Variants in KALRN observed in about 807,000 individuals in gnomAD.
KALRN encodes kalirin RhoGEF kinase, also known as kalirin.
In KALRN, 70 loss-of-function variants were observed where a neutral mutation model predicts 353.7. The observed-to-expected ratio is 0.20, with a 90% CI of 0.16 to 0.24. The LOEUF is 0.24. Ranked by LOEUF, KALRN falls within the 10% of genes least tolerant of loss-of-function variation. The pLI, the probability that KALRN is intolerant of heterozygous loss-of-function variation, is 1.00. For missense variants in KALRN, 2,791 were observed against 3,756.7 expected (o/e 0.74, Z 6.72); for synonymous variants, 1,391 against 1,434.8 (o/e 0.97, Z 0.69).
intron 10 of KALRN, among the ~76,000 whole-genome samples, chr3:124,375,359 C>G (rs2086447663): frequency 6.6e-6 from 1 of 152,200 alleles, no homozygotes; most frequent in Non-Finnish European, 1.5e-5. Context: ...GGAAGCAGCT[C>G]TGGGCCAACC....
At position 124,674,420 on chromosome 3, in the gene KALRN, T is replaced by C; in HGVS notation, c.6999T>C (p.Tyr2333=). 2 of 1,614,092 alleles carry C rather than the reference T, an allele frequency of 1.2e-6. No homozygotes were observed. The highest frequency in any genetic ancestry group is 1.7e-6 in the Non-Finnish European group (2 of 1,180,006). The change falls in exon 49 of 60, where the codon TAT becomes TAC. Residue 2333 remains tyrosine, a synonymous_variant. Transcript: ENST00000682506. ...CCATGGCCGTGATCAAAGATTACTATGCACTGAAGGAGAATGAAATCTGTG... is the reference window on the plus strand; with the variant it reads ...CCATGGCCGTGATCAAAGATTACTACGCACTGAAGGAGAATGAAATCTGTG... The part of the protein sequence containing the change: ...TSSMAVIKDY[Y]ALKENEICVS...
chr3:124,132,386 G>A (rs1002756331), intron 1 of KALRN, among the ~76,000 whole-genome samples: 2 of 152,162 alleles, frequency 1.3e-5, no homozygotes, highest in Non-Finnish European at 2.9e-5. Context: ...AACCCGAGCC[G>A]GTGAGAACAC....
In KALRN at chr3:124,110,465, G is replaced by A. The variant is rs868255969; in HGVS notation, c.73+76652G>A. ...ATGTATATATTTCATATATACACAC[G>A]CGCGCACACACACACACACACACAC... is the stretch of plus-strand genomic sequence containing the variant. On this transcript the variant is annotated intron_variant, in intron 1 of 59. Coordinates refer to ENST00000682506, the MANE Select transcript of KALRN (RefSeq NM_001388419.1). Among the ~76,000 whole-genome samples, 75 of 33,046 alleles carry A rather than the reference G, an allele frequency of 2.3e-3. 1 individual carries two copies. Among genetic ancestry groups the A allele is most frequent in the African/African-American group, 6.5e-3 (67 of 10,358 alleles). 21.7% of individuals were successfully genotyped at this position (33,046 alleles called of 152,430 possible). A position where few individuals can be genotyped will look rare whatever the true frequency, so the allele number is the denominator to read the frequency against.
At chr3:124,581,353 A>G (rs1431440257) in intron 34 of KALRN, among the ~76,000 whole-genome samples, 3 of 149,436 alleles carry the variant, frequency 2.0e-5, no homozygotes, top group East Asian at 2.0e-4. Flanking sequence ...AGATCGTGCC[A>G]CTGCGCTCTA....
intron 3 of KALRN, among the ~76,000 whole-genome samples, chr3:124,260,023 G>A (rs2072617298): frequency 6.6e-6 from 1 of 152,062 alleles, no homozygotes; most frequent in Admixed American, 6.5e-5. Flanking sequence ...ACCCTTCAGT[G>A]CCTTTAGGAC....
intron 6 of KALRN, among the ~76,000 whole-genome samples, chr3:124,314,672 C>T (rs573267961): frequency 5.9e-5 from 9 of 152,030 alleles, no homozygotes; most frequent in African/African-American, 9.7e-5. Context: ...TCACATGGCA[C>T]GAGAGAAAGG....
intron 15 of KALRN, among the ~76,000 whole-genome samples, chr3:124,428,385 A>T (rs958219268): frequency 6.6e-6 from 1 of 152,162 alleles, no homozygotes; most frequent in Admixed American, 6.5e-5. Context: ...CAGACTTTAC[A>T]TTTTACACAT....
chr3:124,114,656 G>A (rs1256513933), intron 1 of KALRN, among the ~76,000 whole-genome samples: 2 of 152,224 alleles, frequency 1.3e-5, no homozygotes, highest in Non-Finnish European at 2.9e-5. Context: ...GAGCAGCAGA[G>A]GAAGGACATG....
At chr3:124,566,583 T>C (rs2072876778) in intron 34 of KALRN, among the ~76,000 whole-genome samples, 1 of 151,836 alleles carries the variant, frequency 6.6e-6, no homozygotes, top group Admixed American at 6.6e-5. Context: ...CATTTGAAAG[T>C]GTGTGCAGTT....
intron 11 of KALRN, among the ~76,000 whole-genome samples, chr3:124,393,140 A>G: frequency 6.6e-6 from 1 of 151,960 alleles, no homozygotes; most frequent in East Asian, 1.9e-4. Flanking sequence ...TAATTTTTGT[A>G]TTTTTAGTAG....
chr3:124,415,752 G>A (rs2092460311), intron 14 of KALRN, among the ~76,000 whole-genome samples: 1 of 152,174 alleles, frequency 6.6e-6, no homozygotes, highest in South Asian at 2.1e-4. Context: ...GTGATTTTGT[G>A]CACCACTGAC....
In KALRN at chr3:124,613,988, A is replaced by G. The variant is rs190104061; in HGVS notation, c.5183-18432A>G. On this transcript the variant is annotated intron_variant, in intron 34 of 59. Coordinates refer to ENST00000682506, the MANE Select transcript of KALRN (RefSeq NM_001388419.1). ...GATTTATGTCTCCCCAAAAACCTCC[A>G]ACACCATTTTCAGTGACAATTTGAG... Among the ~76,000 whole-genome samples, 635 of 152,258 alleles carry G rather than the reference A, an allele frequency of 4.2e-3. 20 individuals are homozygous for G. Among genetic ancestry groups the G allele is most frequent in the Non-Finnish European group, 1.0e-3 (68 of 68,030 alleles).
At chr3:124,127,057 G>C (rs1328947588) in intron 1 of KALRN, among the ~76,000 whole-genome samples, 2 of 152,196 alleles carry the variant, frequency 1.3e-5, no homozygotes, top group African/African-American at 2.4e-5. Context: ...GGAGCCCCAA[G>C]CTGCCAGGAT....
intron 9 of KALRN, among the ~76,000 whole-genome samples, chr3:124,335,436 T>C (rs944072508): frequency 6.6e-6 from 1 of 152,244 alleles, no homozygotes; most frequent in Non-Finnish European, 1.5e-5. Flanking sequence ...GTTATGTTTC[T>C]GACCACAAAA....
At chr3:124,583,860 T>C (rs957545808) in intron 34 of KALRN, among the ~76,000 whole-genome samples, 1 of 152,170 alleles carries the variant, frequency 6.6e-6, no homozygotes, top group African/African-American at 2.4e-5. Context: ...TCCATAGATA[T>C]TTTTAAATTC....
intron 3 of KALRN, among the ~76,000 whole-genome samples, chr3:124,257,438 G>T (rs2072181209): frequency 1.3e-5 from 2 of 152,218 alleles, no homozygotes; most frequent in Non-Finnish European, 2.9e-5. Context: ...GCATAAAGTG[G>T]TGAAAGTGCT....
intron 10 of KALRN, among the ~76,000 whole-genome samples, chr3:124,367,017 G>A (rs1236896888): frequency 8.1e-6 from 1 of 123,554 alleles, no homozygotes; most frequent in Non-Finnish European, 1.7e-5. Flanking sequence ...GGGGCTGACC[G>A]CCCCCACCTC....
chr3:124,549,313 A>G (rs1247178546), intron 33 of KALRN, among the ~76,000 whole-genome samples: 3 of 138,814 alleles, frequency 2.2e-5, no homozygotes, highest in Non-Finnish European at 4.6e-5. Context: ...GAAAACCCCA[A>G]GAAGCCAACA....
intron 8 of KALRN, among the ~76,000 whole-genome samples, chr3:124,331,534 A>G (rs1444952829): frequency 6.6e-6 from 1 of 152,234 alleles, no homozygotes; most frequent in African/African-American, 2.4e-5. Context: ...ATGAATACTA[A>G]AAAATGGTAA....
Sources: gnomAD v4.1 joint callset for allele counts (sites outside exome capture counted in the v4.1 genomes callset) on GRCh38, gnomAD v4.1.1 for gene constraint, MANE v1.5 for transcripts, NCBI Gene and HGNC (gene_info 2026-07-23, HGNC 2026-07-21) for gene names.